Variants in APLF observed in about 807,000 individuals in gnomAD.
APLF encodes aprataxin and PNKP like factor.
APLF carries 61 observed loss-of-function variants against 55.6 expected under a neutral mutation model. The ratio of observed to expected loss-of-function variants is 1.10; its 90% CI spans 0.89 to 1.36. APLF has a LOEUF of 1.36. APLF is among the 40% of genes most tolerant of loss of function. APLF has a pLI of 0.00. For missense variants in APLF, 611 were observed against 602.5 expected (o/e 1.01, Z -0.15); for synonymous variants, 207 against 214.8 (o/e 0.96, Z 0.32).
intron 6 of APLF, among the ~76,000 whole-genome samples, chr2:68,526,964 G>A (rs1670077712): frequency 6.6e-6 from 1 of 152,196 alleles, no homozygotes; most frequent in Non-Finnish European, 1.5e-5. Flanking sequence ...CAAACTTGGG[G>A]AAGGCAGAAA....
At chr2:68,488,408 G>A (rs570452863) in intron 1 of APLF, among the ~76,000 whole-genome samples, 1 of 145,056 alleles carries the variant, frequency 6.9e-6, no homozygotes, top group Non-Finnish European at 1.5e-5. Context: ...ATGGCTCATT[G>A]CAACCTTGAC....
At chr2:68,558,945 G>A (rs1298253229) in intron 8 of APLF, among the ~76,000 whole-genome samples, 1 of 152,148 alleles carries the variant, frequency 6.6e-6, no homozygotes, top group African/African-American at 2.4e-5. Flanking sequence ...CAATCATGGT[G>A]TTAAGTTAGC....
At chr2:68,491,824 G>A (rs1330090050) in intron 2 of APLF, among the ~76,000 whole-genome samples, 2 of 152,206 alleles carry the variant, frequency 1.3e-5, no homozygotes, top group East Asian at 3.9e-4. Flanking sequence ...CTGCCACTGT[G>A]TCCATGTCAG....
chr2:68,501,809 T>G (rs1676730301), intron 2 of APLF, among the ~76,000 whole-genome samples: 1 of 152,220 alleles, frequency 6.6e-6, no homozygotes, highest in Non-Finnish European at 1.5e-5. Flanking sequence ...TGTTGTTTGC[T>G]TGAGAGATTT....
Position 68,468,467 on chromosome 2 carries a change from C to A in APLF, c.96+640C>A, listed in dbSNP as rs568218801. Among the ~76,000 whole-genome samples, 91 of 152,270 alleles carry A rather than the reference C, an allele frequency of 6.0e-4. 1 individual carries two copies. In the South Asian group the frequency reaches 0.018, roughly 30 times the overall value. Reference sequence around the variant, plus strand: ...CCTATACCAACATCTTTAACTGTCTCAAGACCGTATCAGTTAGCTATTTTT... The same window carrying A: ...CCTATACCAACATCTTTAACTGTCTAAAGACCGTATCAGTTAGCTATTTTT... On this transcript the variant is annotated intron_variant, in intron 1 of 9. Transcript: ENST00000303795.
At position 68,467,822 on chromosome 2, in the gene APLF, C is replaced by T. The variant is rs1573131976; in HGVS notation, c.91C>T (p.Leu31=). ...GETVIGRGPL[L]GITDKRVSRR... is the part of the protein sequence containing the mutation. ...GACGGTGATCGGCCGCGGGCCGCTGCTGGGAGTAAGTGTGGGCGGGGGCTT... is the reference window on the plus strand; with the variant it reads ...GACGGTGATCGGCCGCGGGCCGCTGTTGGGAGTAAGTGTGGGCGGGGGCTT... Residue 31 remains leucine (L), a synonymous_variant, in exon 1 of 10, where the codon CTG becomes TTG. Coordinates refer to ENST00000303795, the MANE Select transcript of APLF (RefSeq NM_173545.3). The T allele has an allele frequency of 2.4e-6, 3 of 1,233,016 alleles. No individual in the cohort carries two copies. Among genetic ancestry groups the T allele is most frequent in the Non-Finnish European group, 3.0e-6 (3 of 988,098 alleles). 76.4% of individuals were successfully genotyped at this position (1,233,016 alleles called of 1,614,324 possible). A position where few individuals can be genotyped will look rare whatever the true frequency, so the allele number is the denominator to read the frequency against.
At chr2:68,514,413 T>C (rs552927210) in intron 5 of APLF, among the ~76,000 whole-genome samples, 4 of 151,824 alleles carry the variant, frequency 2.6e-5, no homozygotes, top group Non-Finnish European at 4.4e-5. Context: ...GATTTTGTTA[T>C]GTTCCTCTGA....
At position 68,490,239 on chromosome 2, in the gene APLF, G is replaced by A. The variant is rs772200891; in HGVS notation, c.146G>A (p.Gly49Asp). The stretch of plus-strand genomic sequence containing the variant: ...AGACATGCCATTCTTGAGGTGGCAG[G>A]TGGTCAGCTGCGAATCAAACCGGTA... The part of the protein sequence containing the change: ...SRRHAILEVA[G>D]GQLRIKPIHT... Residue 49 changes from glycine to aspartate, a missense_variant, in exon 2 of 10, where the codon GGT becomes GAT. Gly to Asp is a moderately conservative substitution (Grantham distance 94, BLOSUM62 -1). Coordinates refer to ENST00000303795, the MANE Select transcript of APLF (RefSeq NM_173545.3). The A allele has an allele frequency of 6.2e-7, 1 of 1,612,410 alleles. No homozygotes were observed. Among genetic ancestry groups the A allele is most frequent in the South Asian group, 1.1e-5 (1 of 90,816 alleles).
At chr2:68,573,602 G>A (rs1490641983) in intron 9 of APLF, among the ~76,000 whole-genome samples, 4 of 149,494 alleles carry the variant, frequency 2.7e-5, no homozygotes, top group Non-Finnish European at 5.9e-5. Context: ...GAACCCGGGA[G>A]ACAGAGGTTG....
At chr2:68,552,866 C>T (rs909504752) in intron 8 of APLF, among the ~76,000 whole-genome samples, 10 of 152,128 alleles carry the variant, frequency 6.6e-5, no homozygotes, top group African/African-American at 2.4e-4. Flanking sequence ...GTGCTTTCTT[C>T]ACCTACTGAA....
intron 8 of APLF, among the ~76,000 whole-genome samples, chr2:68,559,564 C>G (rs563444179): frequency 6.6e-6 from 1 of 152,266 alleles, no homozygotes; most frequent in Admixed American, 6.5e-5. Flanking sequence ...ACATAGTATT[C>G]AGGTGCTTCA....
At chr2:68,563,893 C>T (rs914243260) in intron 8 of APLF, among the ~76,000 whole-genome samples, 21 of 151,984 alleles carry the variant, frequency 1.4e-4, no homozygotes, top group African/African-American at 4.8e-4. Flanking sequence ...AACAGTAAGA[C>T]ACCCATATAG....
rs530678347 is a variant in APLF at position 68,485,202 on chromosome 2, A to T, written c.97-4988A>T. Among the ~76,000 whole-genome samples the T allele has an allele frequency of 3.0e-3, 458 of 151,942 alleles. 3 individuals are homozygous for T. The highest frequency in any genetic ancestry group is 9.9e-3 in the African/African-American group (409 of 41,424). ...AATAATGCACTTTTTGCATTTTTTT[A>T]AAAAAAATCAGGATCCAGTTAAATT... On this transcript the variant is annotated intron_variant, in intron 1 of 9. Coordinates refer to ENST00000303795, the MANE Select transcript of APLF (RefSeq NM_173545.3).
chr2:68,470,002 G>A (rs1675568919), intron 1 of APLF, among the ~76,000 whole-genome samples: 1 of 152,146 alleles, frequency 6.6e-6, no homozygotes, highest in African/African-American at 2.4e-5. Context: ...TATGGTGGTA[G>A]GAAAACACAA....
At chr2:68,500,280 G>C (rs1019615380) in intron 2 of APLF, among the ~76,000 whole-genome samples, 2 of 152,128 alleles carry the variant, frequency 1.3e-5, no homozygotes, top group African/African-American at 4.8e-5. Flanking sequence ...GGAATCTCCT[G>C]TATTAACAGT....
chr2:68,473,997 T>C (rs1006832787), intron 1 of APLF, among the ~76,000 whole-genome samples: 1 of 152,250 alleles, frequency 6.6e-6, no homozygotes, highest in African/African-American at 2.4e-5. Flanking sequence ...CCTGTGCTTC[T>C]GAACCACTGG....
intron 7 of APLF, among the ~76,000 whole-genome samples, chr2:68,538,560 C>T (rs1301901090): frequency 6.6e-6 from 1 of 152,134 alleles, no homozygotes; most frequent in African/African-American, 2.4e-5. Context: ...GAGATGGCTT[C>T]CTACAGAGTT....
intron 6 of APLF, chr2:68,535,346 G>C: frequency 2.3e-6 from 1 of 426,452 alleles, no homozygotes; most frequent in African/African-American, 2.1e-5. Context: ...ACCTCCATTT[G>C]CCTCATCCTT....
At chr2:68,496,955 T>C (rs1336704854) in intron 2 of APLF, among the ~76,000 whole-genome samples, 2 of 152,242 alleles carry the variant, frequency 1.3e-5, no homozygotes, top group Non-Finnish European at 2.9e-5. Flanking sequence ...CTTTTCTAAC[T>C]GCTGCCTGTT....
Sources: gnomAD v4.1 joint callset for allele counts (sites outside exome capture counted in the v4.1 genomes callset) on GRCh38, gnomAD v4.1.1 for gene constraint, MANE v1.5 for transcripts, NCBI Gene and HGNC (gene_info 2026-07-23, HGNC 2026-07-21) for gene names.